Variants in HSPA5 observed in about 807,000 individuals in gnomAD.
HSPA5 encodes endoplasmic reticulum chaperone BiP.
Under a neutral mutation model 49.5 loss-of-function variants are expected in HSPA5, and 16 were observed. The ratio of observed to expected loss-of-function variants is 0.32; its 90% CI spans 0.22 to 0.49. HSPA5 has a LOEUF of 0.49. HSPA5 is among the 20% of genes least tolerant of loss of function. HSPA5 has a pLI of 0.99. For synonymous variants in HSPA5, 271 were observed against 307.2 expected, an observed-to-expected ratio of 0.88 and a Z score of 1.23; for missense variants, 376 against 819.0, an observed-to-expected ratio of 0.46 and a Z score of 6.60.
chr9:125,238,133 G>A lies in HSPA5; in HGVS notation c.1402+8C>T, dbSNP rs1350115577. The A allele has an allele frequency of 2.5e-6, 4 of 1,608,626 alleles. No homozygotes were observed. The Admixed American group carries it at 6.7e-5, about 27-fold the overall frequency. On this transcript the variant is annotated splice_region_variant and intron_variant, in intron 7 of 7. Coordinates refer to ENST00000324460, the MANE Select transcript of HSPA5 (RefSeq NM_005347.5). ...AAAGCCATGATATTAACAAACTTAA[G>A]TAATTACCTTCATAGACCTTGATTG...
In HSPA5 at chr9:125,235,582, C is replaced by T. The variant is rs1377929238; in HGVS notation, c.*1010G>A. The T allele has an allele frequency of 6.6e-6, 1 of 152,054 alleles. No individual in the cohort carries two copies. The highest frequency in any genetic ancestry group is 1.5e-5 in the Non-Finnish European group (1 of 68,010). 9.4% of individuals were successfully genotyped at this position (152,054 alleles called of 1,614,324 possible). On this transcript the variant is annotated 3_prime_UTR_variant, in exon 8 of 8. Coordinates refer to ENST00000324460, the MANE Select transcript of HSPA5 (RefSeq NM_005347.5). ...CTAAGTAATCCTAAACCAGTTTTGACACAAACCATTGCCTTTAACAACCCA... is the reference window on the plus strand; with the variant it reads ...CTAAGTAATCCTAAACCAGTTTTGATACAAACCATTGCCTTTAACAACCCA...
chr9:125,240,668 G>A lies in HSPA5; in HGVS notation c.354+8C>T. 1 of 1,607,206 alleles carries A rather than the reference G, an allele frequency of 6.2e-7. No homozygotes were observed. The highest frequency in any genetic ancestry group is 1.1e-5 in the South Asian group (1 of 90,982). On this transcript the variant is annotated splice_region_variant and intron_variant, in intron 2 of 7. Transcript: ENST00000324460. The surrounding 1 kb of genome is among the most constrained non-coding windows in gnomAD (Gnocchi z 4.4). The stretch of plus-strand genomic sequence containing the variant: ...TTCTCTAACTGGATGAGAAAAACCC[G>A]GTCGAACCTTGAACGGCAAGAACTT...
At position 125,240,529 on chromosome 9, in the gene HSPA5, TG is replaced by T; in HGVS notation, c.354+146del. On this transcript the variant is annotated intron_variant, in intron 2 of 7. Coordinates refer to ENST00000324460, the MANE Select transcript of HSPA5 (RefSeq NM_005347.5). This position sits in a 1 kb window ranked among gnomAD's most constrained non-coding sequence, Gnocchi z 4.4. Reference sequence around the variant, plus strand: ...GTACGACAGCAACTGTCTTAAGTTTTGTAACATACTAATAGTATTAAAGTTA... The same window carrying T: ...GTACGACAGCAACTGTCTTAAGTTTTTAACATACTAATAGTATTAAAGTTA... The T allele has an allele frequency of 1.4e-6, 1 of 740,656 alleles. No homozygotes were observed. The highest frequency in any genetic ancestry group is 2.2e-6 in the Non-Finnish European group (1 of 449,556). 45.9% of individuals were successfully genotyped at this position (740,656 alleles called of 1,614,324 possible). A position where few individuals can be genotyped will look rare whatever the true frequency, so the allele number is the denominator to read the frequency against.
intron 7 of HSPA5, 129 bp downstream of exon 7, chr9:125,238,012 G>T: frequency 1.5e-6 from 1 of 679,524 alleles, no homozygotes; most frequent in Non-Finnish European, 2.5e-6. Flanking sequence ...TGAGGCAGGA[G>T]AATCACTTGA....
rs1396067951 is a variant in HSPA5 at position 125,240,444 on chromosome 9, T to C, written c.355-135A>G. ...AATTGACTAGAAATACTTCAGGGAG[T>C]ATAGGTGTCTTACAAAGTTCAGTTT... On this transcript the variant is annotated intron_variant, in intron 2 of 7. Transcript: ENST00000324460. This position sits in a 1 kb window ranked among gnomAD's most constrained non-coding sequence, Gnocchi z 4.4. 2 of 791,060 alleles carry C rather than the reference T, an allele frequency of 2.5e-6. No homozygotes were observed. The highest frequency in any genetic ancestry group is 4.0e-6 in the Non-Finnish European group (2 of 495,230). The allele number at this position is 791,060 out of a possible 1,614,324, so 49.0% of individuals were successfully genotyped here.
chr9:125,236,823 A>G lies in HSPA5; in HGVS notation c.1734T>C (p.Asp578=), dbSNP rs1832503263. The part of the protein sequence containing the change: ...YAYSLKNQIG[D]KEKLGGKLSS... ...AAAGTTTACCTCCCAGCTTTTCTTT[A>G]TCTCCAATCTGATTCTTTAGAGAAT... Residue 578 remains aspartate (D), a synonymous_variant, in exon 8 of 8, where the codon GAT becomes GAC. Coordinates refer to ENST00000324460, the MANE Select transcript of HSPA5 (RefSeq NM_005347.5). The G allele has an allele frequency of 1.2e-6, 2 of 1,613,650 alleles. No homozygotes were observed. Among genetic ancestry groups the G allele is most frequent in the Non-Finnish European group, 1.7e-6 (2 of 1,179,690 alleles).
At position 125,238,247 on chromosome 9, in the gene HSPA5, G is replaced by A. The variant is rs1243482948; in HGVS notation, c.1296C>T (p.Val432=). Residue 432 remains valine, a synonymous_variant, in exon 7 of 8, where the codon GTC becomes GTT. Transcript: ENST00000324460. ...TGTTCCTTGGAATCAGTTTGGTCAT[G>A]ACACCTCCCACAGTTTCAATACCAA... is the stretch of plus-strand genomic sequence containing the variant. ...LTLGIETVGG[V]MTKLIPRNTV... is the part of the protein sequence containing the mutation. The A allele has an allele frequency of 3.7e-6, 6 of 1,613,970 alleles. No individual in the cohort carries two copies. The South Asian group carries it at 6.6e-5, about 18-fold the overall frequency.
At position 125,239,721 on chromosome 9, in the gene HSPA5, A is replaced by AT. The variant is rs199698979; in HGVS notation, c.493-189dup. 5.3e-3 allele frequency among the ~76,000 whole-genome samples: 766 copies of AT among 144,094 alleles called. 7 individuals are homozygous for AT. Among genetic ancestry groups the AT allele is most frequent in the African/African-American group, 0.02 (720 of 35,310 alleles). 94.5% of individuals were successfully genotyped at this position (144,094 alleles called of 152,430 possible). ...TGGAGAAACCCTGTCTCTACTGAAA[A>AT]TTAAAAAAAAAAAAAAAAATTAGCC... On this transcript the variant is annotated intron_variant, in intron 3 of 7. Coordinates refer to ENST00000324460, the MANE Select transcript of HSPA5 (RefSeq NM_005347.5). This position sits in a 1 kb window ranked among gnomAD's most constrained non-coding sequence, Gnocchi z 5.5.
In HSPA5 at chr9:125,240,153, T is replaced by C. The variant is rs773997203; in HGVS notation, c.492+19A>G. On this transcript the variant is annotated intron_variant, in intron 3 of 7. Coordinates refer to ENST00000324460, the MANE Select transcript of HSPA5 (RefSeq NM_005347.5). This position sits in a 1 kb window ranked among gnomAD's most constrained non-coding sequence, Gnocchi z 4.4. Reference sequence around the variant, plus strand: ...ACTAATGATCAAAAAATACTTAACATTGTTCTAGAAATATTTACCTTCTTT... The same window carrying C: ...ACTAATGATCAAAAAATACTTAACACTGTTCTAGAAATATTTACCTTCTTT... 8 of 1,575,946 alleles carry C rather than the reference T, an allele frequency of 5.1e-6. No homozygotes were observed. The highest frequency in any genetic ancestry group is 6.9e-6 in the Non-Finnish European group (8 of 1,161,388).
chr9:125,238,708 C>T lies in HSPA5; in HGVS notation c.1116G>A (p.Gln372=), dbSNP rs760887016. Residue 372 remains glutamine (Q), a synonymous_variant, in exon 6 of 8, where the codon CAG becomes CAA. Transcript: ENST00000324460. ...CATTGAAGAACTCTTTAACCAGTTG[C>T]TGAATCTTTGGAATTCGAGTCGAGC... ...VGGSTRIPKI[Q]QLVKEFFNGK... The T allele has an allele frequency of 6.2e-7, 1 of 1,614,172 alleles. No homozygotes were observed. Among genetic ancestry groups the T allele is most frequent in the Non-Finnish European group, 8.5e-7 (1 of 1,180,022 alleles).
At chr9:125,237,510 G>A (rs923926227) in intron 7 of HSPA5, among the ~76,000 whole-genome samples, 3 of 151,932 alleles carry the variant, frequency 2.0e-5, no homozygotes, top group Non-Finnish European at 2.9e-5. Context: ...GAGGTTAGGG[G>A]TTCAAGACCA....
chr9:125,236,829 A>C lies in HSPA5; in HGVS notation c.1728T>G (p.Ile576Met). 1 of 1,613,836 alleles carries C rather than the reference A, an allele frequency of 6.2e-7. No individual in the cohort carries two copies. Among genetic ancestry groups the C allele is most frequent in the Non-Finnish European group, 8.5e-7 (1 of 1,179,758 alleles). ...ESYAYSLKNQ[I>M]GDKEKLGGKL... ...TACCTCCCAGCTTTTCTTTATCTCCAATCTGATTCTTTAGAGAATAGGCAT... is the reference window on the plus strand; with the variant it reads ...TACCTCCCAGCTTTTCTTTATCTCCCATCTGATTCTTTAGAGAATAGGCAT... Residue 576 changes from isoleucine (I) to methionine (M), a missense_variant, in exon 8 of 8, where the codon ATT becomes ATG. Around this residue, in one of 8 missense-constraint regions of HSPA5, gnomAD observed 72 missense variants for 87.8 expected, o/e 0.82. Coordinates refer to ENST00000324460, the MANE Select transcript of HSPA5 (RefSeq NM_005347.5).
rs1832469197 is a variant in HSPA5, at chr9:125,235,109, TAA to T, written c.*1481_*1482del. ...AGTGCAGCTGAGGCCTAGGTCTAAT[TAA>T]GAGTTTGGTGTTGGGATCCAGTTCT... On this transcript the variant is annotated 3_prime_UTR_variant, in exon 8 of 8. Transcript: ENST00000324460. 1 of 152,180 alleles carries T rather than the reference TAA, an allele frequency of 6.6e-6. No homozygotes were observed. The highest frequency in any genetic ancestry group is 2.1e-4 in the South Asian group (1 of 4,830). The allele number at this position is 152,180 out of a possible 1,614,324, so 9.4% of individuals were successfully genotyped here. A position where few individuals can be genotyped will look rare whatever the true frequency, so the allele number is the denominator to read the frequency against.
Position 125,240,674 on chromosome 9 carries a change from A to G in HSPA5, c.354+2T>C. 6.2e-7 allele frequency: 1 copy of G among 1,609,704 alleles called. No individual in the cohort carries two copies. The highest frequency in any genetic ancestry group is 1.3e-5 in the African/African-American group (1 of 74,958). On this transcript the variant is annotated splice_donor_variant, in intron 2 of 7. Coordinates refer to ENST00000324460, the MANE Select transcript of HSPA5 (RefSeq NM_005347.5). LOFTEE classifies it high-confidence loss of function. The surrounding 1 kb of genome is among the most constrained non-coding windows in gnomAD (Gnocchi z 4.4). ...AACTGGATGAGAAAAACCCGGTCGA[A>G]CCTTGAACGGCAAGAACTTGATGTC...
chr9:125,237,253 G>A (rs1393380294), intron 7 of HSPA5, 99 bp from the exon 8 acceptor site: 1 of 881,408 alleles, frequency 1.1e-6, no homozygotes, highest in African/African-American at 1.7e-5. Flanking sequence ...TGACACTTTT[G>A]GTTTTATCGA....
At position 125,241,179 on chromosome 9, in the gene HSPA5, G is replaced by C. The variant is rs570367167; in HGVS notation, c.-53C>G. On this transcript the variant is annotated 5_prime_UTR_variant, in exon 1 of 8. Coordinates refer to ENST00000324460, the MANE Select transcript of HSPA5 (RefSeq NM_005347.5). ...CAGTCCAGCCACAGGCCGTAGCACA[G>C]GAGCACAGCGCAATTTCCGACTTGC... The C allele has an allele frequency of 9.7e-5, 151 of 1,563,006 alleles. No individual in the cohort carries two copies. Among genetic ancestry groups the C allele is most frequent in the Non-Finnish European group, 1.2e-4 (143 of 1,158,070 alleles).
Position 125,241,158 on chromosome 9 carries a change from C to T in HSPA5, c.-32G>A. 1 of 1,602,304 alleles carries T rather than the reference C, an allele frequency of 6.2e-7. No homozygotes were observed. Among genetic ancestry groups the T allele is most frequent in the Non-Finnish European group, 8.5e-7 (1 of 1,175,504 alleles). On this transcript the variant is annotated 5_prime_UTR_variant, in exon 1 of 8. Transcript: ENST00000324460. ...AGCCAGTTGGGCAGCAGCAGGCAGTCCAGCCACAGGCCGTAGCACAGGAGC... is the reference window on the plus strand; with the variant it reads ...AGCCAGTTGGGCAGCAGCAGGCAGTTCAGCCACAGGCCGTAGCACAGGAGC...
chr9:125,241,064 C>G lies in HSPA5; in HGVS notation c.63G>C (p.Glu21Asp). ...CCGTGCCCACGTCCTCCTTCTTGTCCTCCTCCTCGGCCCGCGCCGCGCTGA... is the reference window on the plus strand; with the variant it reads ...CCGTGCCCACGTCCTCCTTCTTGTCGTCCTCCTCGGCCCGCGCCGCGCTGA... The part of the protein sequence containing the change: ...LLLSAARAEE[E>D]DKKEDVGTVV... The change falls in exon 1 of 8, where the codon GAG becomes GAC. Residue 21 changes from glutamate (E) to aspartate (D), a missense_variant. This residue lies in a region of HSPA5 where 29 missense variants were observed against 38.7 expected (regional missense o/e 0.75). Coordinates refer to ENST00000324460, the MANE Select transcript of HSPA5 (RefSeq NM_005347.5). 4.3e-6 allele frequency: 7 copies of G among 1,613,934 alleles called. No individual in the cohort carries two copies. Among genetic ancestry groups the G allele is most frequent in the Non-Finnish European group, 5.9e-6 (7 of 1,179,980 alleles).
In HSPA5 at chr9:125,235,942, C is replaced by T. The variant is rs910303741; in HGVS notation, c.*650G>A. On this transcript the variant is annotated 3_prime_UTR_variant, in exon 8 of 8. Transcript: ENST00000324460. Reference sequence around the variant, plus strand: ...CCCACTCTTGGGCACTGTGAAATGCCCCTTGCCTGAGTAAAGATGTGGATT... The same window carrying T: ...CCCACTCTTGGGCACTGTGAAATGCTCCTTGCCTGAGTAAAGATGTGGATT... 11 of 151,976 alleles carry T rather than the reference C, an allele frequency of 7.2e-5. No homozygotes were observed. The highest frequency in any genetic ancestry group is 2.7e-4 in the African/African-American group (11 of 41,360). The allele number at this position is 151,976 out of a possible 1,614,324, so 9.4% of individuals were successfully genotyped here.
Sources: gnomAD v4.1 joint callset for allele counts (sites outside exome capture counted in the v4.1 genomes callset) on GRCh38, gnomAD v4.1.1 for gene constraint, gnomAD v4.1.1 regional missense constraint, Gnocchi (gnomAD v3.1) non-coding constraint, MANE v1.5 for transcripts, NCBI Gene and HGNC (gene_info 2026-07-23, HGNC 2026-07-21) for gene names.